Variants in PSMA8 observed in about 807,000 individuals in gnomAD.
PSMA8 encodes the protein proteasome 20S subunit alpha 8, also known as proteasome subunit alpha-type 8.
PSMA8 carries 18 observed loss-of-function variants against 32.4 expected under a neutral mutation model. That is an observed-to-expected ratio of 0.56 (90% CI 0.38 to 0.82). The LOEUF (loss-of-function observed/expected upper bound fraction) is 0.82. Ranked by LOEUF, PSMA8 falls within the 40% of genes least tolerant of loss-of-function variation. The probability of loss-of-function intolerance (pLI) is 0.00; values close to 1 mark genes in which losing one functional copy is unlikely to be tolerated. For missense variants in PSMA8, 298 were observed against 300.7 expected, an observed-to-expected ratio of 0.99 and a Z score of 0.07; for synonymous variants, 104 against 98.1, an observed-to-expected ratio of 1.06 and a Z score of -0.36.
At chr18:26,147,698 AAAG>A (rs1005111295) in intron 2 of PSMA8, among the ~76,000 whole-genome samples, 32 of 152,286 alleles carry the variant, frequency 2.1e-4, no homozygotes, top group African/African-American at 7.7e-4. Context: ...AATTTGAGAA[AAAG>A]AAGTATAAAG....
At chr18:26,163,252 T>TATA in intron 4 of PSMA8, among the ~76,000 whole-genome samples, 4 of 94,592 alleles carry the variant, frequency 4.2e-5, no homozygotes, top group African/African-American at 1.4e-4. Context: ...TATATATATA[T>TATA]ATATATATAT....
At chr18:26,172,822 G>T (rs1258760239) in intron 4 of PSMA8, among the ~76,000 whole-genome samples, 1 of 152,170 alleles carries the variant, frequency 6.6e-6, no homozygotes, top group Non-Finnish European at 1.5e-5. Context: ...AGAGGAAGCA[G>T]GTGGATATGA....
intron 2 of PSMA8, among the ~76,000 whole-genome samples, chr18:26,146,483 A>C (rs1375142467): frequency 6.6e-6 from 1 of 152,190 alleles, no homozygotes; most frequent in Non-Finnish European, 1.5e-5. Flanking sequence ...ACATTGAAGC[A>C]TCCAGGCATA....
intron 6 of PSMA8, among the ~76,000 whole-genome samples, chr18:26,181,947 TG>T (rs1187197491): frequency 1.3e-5 from 2 of 150,914 alleles, no homozygotes; most frequent in East Asian, 3.9e-4. Flanking sequence ...AAACCAGTCT[TG>T]TTACTGATAT....
intron 2 of PSMA8, among the ~76,000 whole-genome samples, chr18:26,145,739 A>G (rs1192108366): frequency 6.6e-6 from 1 of 152,182 alleles, no homozygotes; most frequent in East Asian, 1.9e-4. Flanking sequence ...TAAAGGCACC[A>G]GTGGGTTTGT....
intron 4 of PSMA8, chr18:26,171,209 T>C (rs1250025947): frequency 1.9e-6 from 3 of 1,559,200 alleles, no homozygotes; most frequent in Non-Finnish European, 2.6e-6. Context: ...TCCTGAGCGG[T>C]GGCCAGGGCA....
chr18:26,185,596 A>G (rs1255419231), intron 6 of PSMA8, among the ~76,000 whole-genome samples: 1 of 150,848 alleles, frequency 6.6e-6, no homozygotes, highest in African/African-American at 2.4e-5. Context: ...AGTCTCTAGA[A>G]GATTCTGTTT....
At chr18:26,156,425 T>A (rs2055089509) in intron 3 of PSMA8, among the ~76,000 whole-genome samples, 1 of 151,980 alleles carries the variant, frequency 6.6e-6, no homozygotes, top group South Asian at 2.1e-4. Flanking sequence ...CATCAACAGA[T>A]AAATGGATAA....
intron 2 of PSMA8, among the ~76,000 whole-genome samples, chr18:26,146,565 G>A (rs952978337): frequency 6.6e-6 from 1 of 152,016 alleles, no homozygotes; most frequent in Non-Finnish European, 1.5e-5. Flanking sequence ...AAAAGTTCGA[G>A]CCTGTCTGAG....
intron 6 of PSMA8, among the ~76,000 whole-genome samples, chr18:26,190,577 C>T (rs375433938): frequency 1.3e-5 from 2 of 151,990 alleles, no homozygotes; most frequent in East Asian, 3.9e-4. Context: ...GGCGAAACCC[C>T]GTCTCTACAA....
intron 1 of PSMA8, among the ~76,000 whole-genome samples, chr18:26,137,886 G>A (rs2054925384): frequency 6.6e-6 from 1 of 152,254 alleles, no homozygotes; most frequent in East Asian, 1.9e-4. Context: ...ATACTTAAGT[G>A]GACATCTGAA....
intron 3 of PSMA8, among the ~76,000 whole-genome samples, chr18:26,153,810 G>A (rs1474294196): frequency 8.6e-5 from 13 of 151,822 alleles, no homozygotes; most frequent in African/African-American, 1.2e-4. Context: ...TATGAACTTC[G>A]TTGGCTCGCA....
intron 4 of PSMA8, among the ~76,000 whole-genome samples, chr18:26,172,971 C>A (rs1239248496): frequency 6.6e-6 from 1 of 152,128 alleles, no homozygotes; most frequent in Non-Finnish European, 1.5e-5. Flanking sequence ...TAATACAGTC[C>A]TGAGGAATAG....
At chr18:26,148,538 TA>T (rs1339502672) in intron 2 of PSMA8, among the ~76,000 whole-genome samples, 1 of 152,126 alleles carries the variant, frequency 6.6e-6, no homozygotes, top group Non-Finnish European at 1.5e-5. Context: ...GCTATCTATG[TA>T]AAAAATTCAC....
At chr18:26,185,335 T>G (rs1209485689) in intron 6 of PSMA8, among the ~76,000 whole-genome samples, 1 of 150,700 alleles carries the variant, frequency 6.6e-6, no homozygotes, top group Non-Finnish European at 1.5e-5. Context: ...CCAGACACAG[T>G]GTGTTTAACA....
chr18:26,154,586 T>C (rs985042256), intron 3 of PSMA8, among the ~76,000 whole-genome samples: 1 of 151,946 alleles, frequency 6.6e-6, no homozygotes, highest in Non-Finnish European at 1.5e-5. Flanking sequence ...TATGCACCTT[T>C]TGTAGTTTTG....
chr18:26,147,210 CAAAAAAAAA>C (rs57358976), intron 2 of PSMA8, among the ~76,000 whole-genome samples: 3 of 48,290 alleles, frequency 6.2e-5, no homozygotes, highest in African/African-American at 2.1e-4. Context: ...CACCCTGTCT[CAAAAAAAAA>C]AAAAAAAAAA....
At chr18:26,173,968 T>A (rs773936844) in intron 4 of PSMA8, among the ~76,000 whole-genome samples, 7 of 152,160 alleles carry the variant, frequency 4.6e-5, no homozygotes, top group Non-Finnish European at 8.8e-5. Context: ...AACATAATGC[T>A]GTCTACTTGA....
In PSMA8 at chr18:26,183,833, G is replaced by T. The variant is rs1211457964; in HGVS notation, c.660+4703G>T. Among the ~76,000 whole-genome samples, 4 of 150,526 alleles carry T rather than the reference G, an allele frequency of 2.7e-5. 1 individual carries two copies. ...AGAGAAATCTTTTGGGAAAGGAAGAGTCTATCAATGTGGCAAACCTCATTG... is the reference window on the plus strand; with the variant it reads ...AGAGAAATCTTTTGGGAAAGGAAGATTCTATCAATGTGGCAAACCTCATTG... On this transcript the variant is annotated intron_variant, in intron 6 of 6. Coordinates refer to ENST00000415576, the MANE Select transcript of PSMA8 (RefSeq NM_001025096.2).
Sources: gnomAD v4.1 joint callset for allele counts (sites outside exome capture counted in the v4.1 genomes callset) on GRCh38, gnomAD v4.1.1 for gene constraint, MANE v1.5 for transcripts, NCBI Gene and HGNC (gene_info 2026-07-23, HGNC 2026-07-21) for gene names.